Variants in CTNND2 observed in about 807,000 individuals in gnomAD.
CTNND2 encodes the protein catenin delta 2.
Under a neutral mutation model 144.4 loss-of-function variants are expected in CTNND2, and 22 were observed. That is an observed-to-expected ratio of 0.15 (90% CI 0.11 to 0.22). The LOEUF is 0.22. CTNND2 is among the 10% of genes least tolerant of loss of function. The pLI is 1.00. For synonymous variants in CTNND2, 751 were observed against 695.6 expected (o/e 1.08, Z -1.25); for missense variants, 1,353 against 1,618.8 (o/e 0.84, Z 2.82).
intron 12 of CTNND2, among the ~76,000 whole-genome samples, chr5:11,142,105 G>T (rs184664034): frequency 6.6e-6 from 1 of 152,050 alleles, no homozygotes; most frequent in Non-Finnish European, 1.5e-5. Context: ...CTCCAGATAC[G>T]TAAGAAATAA....
intron 8 of CTNND2, among the ~76,000 whole-genome samples, chr5:11,358,747 T>C (rs890974217): frequency 2.0e-5 from 3 of 151,400 alleles, no homozygotes; most frequent in Non-Finnish European, 4.4e-5. Context: ...ACGTTTTTTT[T>C]AGAGACTATT....
At position 10,996,459 on chromosome 5, in the gene CTNND2, A is replaced by G. The variant is rs1436395603; in HGVS notation, c.3085-3782T>C. Among the ~76,000 whole-genome samples the G allele has an allele frequency of 4.4e-4, 4 of 9,012 alleles. No individual in the cohort carries two copies. In the East Asian group the frequency reaches 0.016, roughly 36 times the overall value. 5.9% of individuals were successfully genotyped at this position (9,012 alleles called of 152,430 possible). On this transcript the variant is annotated intron_variant, in intron 18 of 21. Coordinates refer to ENST00000304623, the MANE Select transcript of CTNND2 (RefSeq NM_001332.4). ...CAAGAAGGACGTCTGTTCCACCTCC[A>G]GGGTGGGACACAAGGGAGGGAGGGT... is the stretch of plus-strand genomic sequence containing the variant.
chr5:11,295,585 C>T (rs552684988), intron 9 of CTNND2, among the ~76,000 whole-genome samples: 3 of 152,294 alleles, frequency 2.0e-5, no homozygotes, highest in South Asian at 2.1e-4. Context: ...TCAAAATATA[C>T]TACAAGGCTA....
At chr5:10,978,502 G>T (rs558050603) in intron 21 of CTNND2, among the ~76,000 whole-genome samples, 109 of 79,448 alleles carry the variant, frequency 1.4e-3, no homozygotes, top group Middle Eastern at 5.3e-3. Context: ...TTTTGGGGAG[G>T]GGGGGGAACC....
chr5:11,273,632 C>G (rs1014406344), intron 9 of CTNND2, among the ~76,000 whole-genome samples: 1 of 152,194 alleles, frequency 6.6e-6, no homozygotes, highest in African/African-American at 2.4e-5. Context: ...AGACATTGTA[C>G]TTAATAAGCA....
intron 2 of CTNND2, among the ~76,000 whole-genome samples, chr5:11,640,255 T>C (rs1561646918): frequency 6.6e-6 from 1 of 152,246 alleles, no homozygotes; most frequent in Non-Finnish European, 1.5e-5. Context: ...TAATTCAATG[T>C]CAATGGTGAC....
intron 3 of CTNND2, among the ~76,000 whole-genome samples, chr5:11,429,596 T>C (rs1337450039): frequency 2.6e-5 from 4 of 152,188 alleles, no homozygotes; most frequent in Non-Finnish European, 4.4e-5. Flanking sequence ...TGCTTAATGG[T>C]CTAAATGAAA....
chr5:11,106,103 C>A (rs1052569921), intron 14 of CTNND2, among the ~76,000 whole-genome samples: 1 of 152,164 alleles, frequency 6.6e-6, no homozygotes, highest in Non-Finnish European at 1.5e-5. Flanking sequence ...ATCAAGTCCA[C>A]GAACAGAAAC....
intron 3 of CTNND2, among the ~76,000 whole-genome samples, chr5:11,483,630 C>T (rs910023103): frequency 7.2e-5 from 11 of 152,344 alleles, no homozygotes; most frequent in African/African-American, 2.2e-4. Flanking sequence ...TCCTACTTCA[C>T]TCACTTGCGA....
chr5:11,250,648 C>G (rs1561094693), intron 9 of CTNND2, among the ~76,000 whole-genome samples: 3 of 151,114 alleles, frequency 2.0e-5, no homozygotes, highest in Non-Finnish European at 2.9e-5. Flanking sequence ...TCCAAAGTAG[C>G]TAGTACTACA....
At chr5:11,087,955 G>A (rs1750352333) in intron 15 of CTNND2, among the ~76,000 whole-genome samples, 1 of 152,150 alleles carries the variant, frequency 6.6e-6, no homozygotes, top group South Asian at 2.1e-4. Context: ...TGACCCAGAG[G>A]AAGCATTCAC....
At chr5:11,559,597 C>A (rs989482416) in intron 3 of CTNND2, among the ~76,000 whole-genome samples, 1 of 152,194 alleles carries the variant, frequency 6.6e-6, no homozygotes, top group African/African-American at 2.4e-5. Context: ...GCTTGCCCAG[C>A]CTTCTGAGAC....
At chr5:11,345,139 T>G (rs961962437) in intron 9 of CTNND2, among the ~76,000 whole-genome samples, 6 of 152,142 alleles carry the variant, frequency 3.9e-5, no homozygotes, top group Non-Finnish European at 8.8e-5. Flanking sequence ...ATAGGGAATA[T>G]GTTGAGGTAT....
intron 20 of CTNND2, among the ~76,000 whole-genome samples, chr5:10,987,292 G>A (rs1282642409): frequency 6.6e-6 from 1 of 152,204 alleles, no homozygotes; most frequent in African/African-American, 2.4e-5. Context: ...AGCATATACA[G>A]AGTGTACAAG....
chr5:11,371,630 C>G (rs1484753339), intron 7 of CTNND2, among the ~76,000 whole-genome samples: 1 of 152,212 alleles, frequency 6.6e-6, no homozygotes, highest in African/African-American at 2.4e-5. Context: ...TAATTCAAAA[C>G]TTAAATTTGC....
At position 11,269,590 on chromosome 5, in the gene CTNND2, G is replaced by A. The variant is rs1025099812; in HGVS notation, c.1629-32767C>T. Reference sequence around the variant, plus strand: ...GGGGTTGAATGAACTGACATAGATTGCTATGTTTAATATAAAGAAATCAGT... The same window carrying A: ...GGGGTTGAATGAACTGACATAGATTACTATGTTTAATATAAAGAAATCAGT... On this transcript the variant is annotated intron_variant, in intron 9 of 21. Transcript: ENST00000304623. 5.3e-5 allele frequency among the ~76,000 whole-genome samples: 8 copies of A among 152,168 alleles called. No homozygotes were observed. The South Asian group carries it at 6.2e-4, about 12-fold the overall frequency.
At chr5:11,651,680 A>G (rs1782652747) in intron 2 of CTNND2, among the ~76,000 whole-genome samples, 1 of 152,206 alleles carries the variant, frequency 6.6e-6, no homozygotes, top group Admixed American at 6.5e-5. Flanking sequence ...TTGTATCACC[A>G]TGGCCTGGAT....
chr5:11,682,297 A>C (rs1191945677), intron 2 of CTNND2, among the ~76,000 whole-genome samples: 1 of 152,216 alleles, frequency 6.6e-6, no homozygotes, highest in Admixed American at 6.5e-5. Context: ...TTTAGAAACC[A>C]ACAGATGGAA....
intron 1 of CTNND2, among the ~76,000 whole-genome samples, chr5:11,803,313 C>T (rs984376760): frequency 1.0e-4 from 11 of 105,620 alleles, no homozygotes; most frequent in Admixed American, 8.8e-4. Context: ...AGCGAGACTG[C>T]GTCTCAAAAA....
Sources: allele counts gnomAD v4.1 joint callset (sites outside exome capture counted in the v4.1 genomes callset), GRCh38; gene constraint gnomAD v4.1.1; transcripts MANE v1.5; gene names NCBI Gene and HGNC (gene_info 2026-07-23, HGNC 2026-07-21).